The following PPP4R4 variants were observed in gnomAD, a reference collection of about 807,000 sequenced individuals.
PPP4R4 encodes protein phosphatase 4 regulatory subunit 4.
PPP4R4 carries 70 observed loss-of-function variants against 121.8 expected under a neutral mutation model. The ratio of observed to expected loss-of-function variants is 0.57; its 90% CI spans 0.47 to 0.70. The LOEUF is 0.70. PPP4R4 is among the 30% of genes least tolerant of loss of function. The pLI, the probability that PPP4R4 is intolerant of heterozygous loss-of-function variation, is 0.00. For synonymous variants in PPP4R4, 348 were observed against 355.7 expected (o/e 0.98, Z 0.24); for missense variants, 875 against 1,033.6 (o/e 0.85, Z 2.10).
chr14:94,182,277 C>T (rs563314359), intron 2 of PPP4R4, among the ~76,000 whole-genome samples: 94 of 152,204 alleles, frequency 6.2e-4, no homozygotes, highest in African/African-American at 2.0e-3. Context: ...TATTTTTTAA[C>T]GCGAACTTTG....
intron 2 of PPP4R4, among the ~76,000 whole-genome samples, chr14:94,187,813 T>A (rs1889369880): frequency 1.3e-5 from 2 of 152,194 alleles, no homozygotes; most frequent in South Asian, 4.1e-4. Flanking sequence ...TGGGTTTGTG[T>A]GATGTTATTT....
At position 94,279,158 on chromosome 14, in the gene PPP4R4, T is replaced by C. The variant is rs1478680007; in HGVS notation, c.*515T>C. ...CACACTGAAAGGATGCAAATAGCCG[T>C]CTGCGATTTTGGCGGCCCTCCGGAT... On this transcript the variant is annotated 3_prime_UTR_variant, in exon 25 of 25. Coordinates refer to ENST00000304338, the MANE Select transcript of PPP4R4 (RefSeq NM_058237.2). The C allele has an allele frequency of 6.6e-6, 1 of 152,548 alleles. No homozygotes were observed. The allele number at this position is 152,548 out of a possible 1,614,324, so 9.4% of individuals were successfully genotyped here.
At chr14:94,179,581 C>T (rs1021576200) in intron 2 of PPP4R4, among the ~76,000 whole-genome samples, 1 of 152,010 alleles carries the variant, frequency 6.6e-6, no homozygotes, top group African/African-American at 2.4e-5. Context: ...TTTGCTTTTC[C>T]TCATCCTGGA....
In PPP4R4 at chr14:94,241,907, C is replaced by G. The variant is rs767663162; in HGVS notation, c.1096C>G (p.Gln366Glu). The G allele has an allele frequency of 1.9e-6, 3 of 1,610,132 alleles. No individual in the cohort carries two copies. In the African/African-American group the frequency reaches 4.0e-5, roughly 22 times the overall value. ...CCAGATTCCACCCCAAATCCTAGAGCAGGAGAAGAAATATATTTCAGTACG... is the reference window on the plus strand; with the variant it reads ...CCAGATTCCACCCCAAATCCTAGAGGAGGAGAAGAAATATATTTCAGTACG... The part of the protein sequence containing the change: ...ENQIPPQILE[Q>E]EKKYISVRKN... The change falls in exon 10 of 25, where the codon CAG (glutamine) becomes GAG (glutamate). Residue 366 changes from glutamine (Q) to glutamate (E), a missense_variant. Transcript: ENST00000304338.
At chr14:94,192,336 G>A (rs917616830) in intron 2 of PPP4R4, among the ~76,000 whole-genome samples, 1 of 152,070 alleles carries the variant, frequency 6.6e-6, no homozygotes, top group African/African-American at 2.4e-5. Flanking sequence ...TTCTGCTTAA[G>A]CTTCTTGTGT....
At chr14:94,201,671 A>G (rs1455463099) in intron 2 of PPP4R4, among the ~76,000 whole-genome samples, 1 of 152,146 alleles carries the variant, frequency 6.6e-6, no homozygotes, top group Non-Finnish European at 1.5e-5. Flanking sequence ...TGCATGGAAT[A>G]TCTTTTTCTA....
In PPP4R4 at chr14:94,256,497, A is replaced by G. The variant is rs1317953211; in HGVS notation, c.1903A>G (p.Thr635Ala). ...LCYLLPKVKS[T>A]LKIPADKHLL... The stretch of plus-strand genomic sequence containing the variant: ...CTACCTGTTGCCCAAAGTGAAATCT[A>G]CTCTGAAGATTCCTGCTGATAAGCA... The change falls in exon 17 of 25, where the codon ACT (threonine) becomes GCT (alanine). Residue 635 changes from threonine (T) to alanine (A), a missense_variant. By Grantham distance (58) the Thr-to-Ala change is moderately conservative. Transcript: ENST00000304338. The G allele has an allele frequency of 1.9e-6, 3 of 1,603,590 alleles. No individual in the cohort carries two copies. Among genetic ancestry groups the G allele is most frequent in the Middle Eastern group, 1.7e-4 (1 of 5,934 alleles).
At chr14:94,257,197 A>G (rs1893520726) in intron 17 of PPP4R4, among the ~76,000 whole-genome samples, 1 of 152,114 alleles carries the variant, frequency 6.6e-6, no homozygotes, top group South Asian at 2.1e-4. Flanking sequence ...AGATCTTAGT[A>G]TATGGATTCT....
chr14:94,253,055 T>C (rs1893274128), intron 16 of PPP4R4, among the ~76,000 whole-genome samples: 2 of 152,250 alleles, frequency 1.3e-5, no homozygotes, highest in South Asian at 4.1e-4. Context: ...GTATTTTAAA[T>C]GTGAGAAAAT....
At position 94,250,165 on chromosome 14, in the gene PPP4R4, C is replaced by T; in HGVS notation, c.1612-7C>T. The T allele has an allele frequency of 1.3e-6, 2 of 1,582,270 alleles. No homozygotes were observed. Among genetic ancestry groups the T allele is most frequent in the Non-Finnish European group, 8.7e-7 (1 of 1,151,628 alleles). On this transcript the variant is annotated splice_region_variant and splice_polypyrimidine_tract_variant and intron_variant, in intron 14 of 24. Coordinates refer to ENST00000304338, the MANE Select transcript of PPP4R4 (RefSeq NM_058237.2). ...GTGTAACTGTCTGTCTTACTTACTTCTTCAAGAATGTTTTACCTGTCCAAA... is the reference window on the plus strand; with the variant it reads ...GTGTAACTGTCTGTCTTACTTACTTTTTCAAGAATGTTTTACCTGTCCAAA...
chr14:94,195,439 CTT>C (rs1889822266), intron 2 of PPP4R4, among the ~76,000 whole-genome samples: 1 of 152,274 alleles, frequency 6.6e-6, no homozygotes, highest in South Asian at 2.1e-4. Flanking sequence ...ATGTCACTGA[CTT>C]AATATATTTC....
At chr14:94,241,691 A>G in intron 9 of PPP4R4, 97 bp from the exon 10 acceptor site, 1 of 888,636 alleles carries the variant, frequency 1.1e-6, no homozygotes, top group Non-Finnish European at 1.7e-6. Context: ...TTATTTAAGT[A>G]TTTGGCTCCA....
At chr14:94,198,959 G>C (rs1282478444) in intron 2 of PPP4R4, among the ~76,000 whole-genome samples, 1 of 152,186 alleles carries the variant, frequency 6.6e-6, no homozygotes, top group Non-Finnish European at 1.5e-5. Flanking sequence ...AAACCTGCTA[G>C]TATTAGCCCT....
intron 1 of PPP4R4, 133 bp downstream of exon 1, chr14:94,174,715 C>T: frequency 2.1e-6 from 3 of 1,423,466 alleles, no homozygotes; most frequent in South Asian, 2.9e-5. Flanking sequence ...CGGGCCGGCC[C>T]CTCCTCCTCC....
chr14:94,244,506 A>G lies in PPP4R4; in HGVS notation c.1267-129A>G, dbSNP rs1892788698. 1.2e-5 allele frequency: 9 copies of G among 738,046 alleles called. No homozygotes were observed. In the South Asian group the frequency reaches 1.6e-4, roughly 13 times the overall value. 45.7% of individuals were successfully genotyped at this position (738,046 alleles called of 1,614,324 possible). A position where few individuals can be genotyped will look rare whatever the true frequency, so the allele number is the denominator to read the frequency against. On this transcript the variant is annotated intron_variant, in intron 11 of 24. Transcript: ENST00000304338. ...ACTAATTTTTATAGAATCTAATTTT[A>G]TATTTGTGTTATAACATGGCTTTAT...
intron 2 of PPP4R4, among the ~76,000 whole-genome samples, chr14:94,205,922 G>A (rs1396357264): frequency 6.6e-6 from 1 of 151,792 alleles, no homozygotes; most frequent in African/African-American, 2.4e-5. Flanking sequence ...TATTCTTCGG[G>A]CACTTGAATG....
chr14:94,238,345 C>T (rs1163144207), intron 8 of PPP4R4, among the ~76,000 whole-genome samples: 1 of 152,226 alleles, frequency 6.6e-6, no homozygotes, highest in Non-Finnish European at 1.5e-5. Flanking sequence ...CTACATATTC[C>T]ATCTCTCTTT....
At position 94,208,487 on chromosome 14, in the gene PPP4R4, C is replaced by T. The variant is rs773704938; in HGVS notation, c.215C>T (p.Thr72Ile). The T allele has an allele frequency of 3.1e-6, 5 of 1,611,238 alleles. 1 individual carries two copies. The South Asian group carries it at 5.5e-5, about 18-fold the overall frequency. ...LLSAGQDVQG[T>I]SVIANLPFLM... Reference sequence around the variant, plus strand: ...AGTGCTGGTCAAGATGTCCAAGGAACAAGTGTGATTGCAAATCTCCCATTT... The same window carrying T: ...AGTGCTGGTCAAGATGTCCAAGGAATAAGTGTGATTGCAAATCTCCCATTT... Residue 72 changes from threonine (T) to isoleucine (I), a missense_variant, in exon 3 of 25, where the codon ACA becomes ATA. Coordinates refer to ENST00000304338, the MANE Select transcript of PPP4R4 (RefSeq NM_058237.2).
chr14:94,215,039 A>G (rs1456429821), intron 3 of PPP4R4, among the ~76,000 whole-genome samples: 1 of 152,368 alleles, frequency 6.6e-6, no homozygotes, highest in East Asian at 1.9e-4. Flanking sequence ...AAATATTCCA[A>G]AATCGCAAAA....
Sources: gnomAD v4.1 joint callset for allele counts (sites outside exome capture counted in the v4.1 genomes callset) on GRCh38, gnomAD v4.1.1 for gene constraint, MANE v1.5 for transcripts, NCBI Gene and HGNC (gene_info 2026-07-23, HGNC 2026-07-21) for gene names.